The following DHODH variants were observed in gnomAD, a reference collection of about 807,000 sequenced individuals.
DHODH encodes dihydroorotate dehydrogenase (quinone).
A neutral mutation model predicts 39.7 loss-of-function variants in DHODH; 30 were observed. That is an observed-to-expected ratio of 0.76 (90% CI 0.57 to 1.02). The LOEUF (loss-of-function observed/expected upper bound fraction) is 1.02, where lower values mean the gene tolerates loss of function less well. Ranked by LOEUF, DHODH falls within the 50% of genes least tolerant of loss-of-function variation. The pLI, the probability that DHODH is intolerant of heterozygous loss-of-function variation, is 0.00. For missense variants in DHODH, 531 were observed against 520.8 expected, an observed-to-expected ratio of 1.02 and a Z score of -0.19; for synonymous variants, 222 against 213.8, an observed-to-expected ratio of 1.04 and a Z score of -0.34.
intron 1 of DHODH, among the ~76,000 whole-genome samples, chr16:72,009,649 C>G (rs2041061729): frequency 6.6e-6 from 1 of 151,614 alleles, no homozygotes; most frequent in Non-Finnish European, 1.5e-5. Context: ...GAGTCTTGGG[C>G]TGTCGCCCAG....
rs1246811396 is a variant in DHODH at position 72,024,003 on chromosome 16, T to C, written c.1134-142T>C. ...GTTCCTACCTGGGTAGAAATATCCC[T>C]AGGTCTCTGGGTGAAGAGTGTAGAG... On this transcript the variant is annotated intron_variant, in intron 8 of 8. Coordinates refer to ENST00000219240, the MANE Select transcript of DHODH (RefSeq NM_001361.5). The C allele has an allele frequency of 3.4e-6, 3 of 886,912 alleles. No individual in the cohort carries two copies. The African/African-American group carries it at 4.9e-5, about 15-fold the overall frequency. The allele number at this position is 886,912 out of a possible 1,614,324, so 54.9% of individuals were successfully genotyped here. A position where few individuals can be genotyped will look rare whatever the true frequency, so the allele number is the denominator to read the frequency against.
rs984834927 is a variant in DHODH, at chr16:72,016,820, G to A, written c.435-204G>A. ...GGGCTGTTTCCAGTGCTAGCTGGCT[G>A]AGCATTTGCAAATTTTAATCTTTCC... On this transcript the variant is annotated intron_variant, in intron 3 of 8. Coordinates refer to ENST00000219240, the MANE Select transcript of DHODH (RefSeq NM_001361.5). The A allele has an allele frequency of 7.0e-6, 4 of 568,018 alleles. No homozygotes were observed. The Admixed American group carries it at 9.8e-5, about 14-fold the overall frequency. 35.2% of individuals were successfully genotyped at this position (568,018 alleles called of 1,614,324 possible).
intron 1 of DHODH, chr16:72,009,171 G>T: frequency 9.1e-7 from 1 of 1,102,854 alleles, no homozygotes; most frequent in Non-Finnish European, 1.1e-6. Flanking sequence ...AGGGGCGGGG[G>T]TCTCTGTGAA....
At chr16:72,009,636 A>G (rs1278856322) in intron 1 of DHODH, among the ~76,000 whole-genome samples, 3 of 150,956 alleles carry the variant, frequency 2.0e-5, no homozygotes, top group African/African-American at 7.3e-5. Context: ...TTTATTTGAG[A>G]CGGAGTCTTG....
At chr16:72,010,780 G>A (rs1273883008) in intron 1 of DHODH, among the ~76,000 whole-genome samples, 2 of 152,200 alleles carry the variant, frequency 1.3e-5, no homozygotes, top group African/African-American at 2.4e-5. Context: ...CCCAGGTGGA[G>A]TGCAGTGGTG....
At chr16:72,017,221 A>G (rs2041151957) in intron 4 of DHODH, 115 bp downstream of exon 4, 1 of 1,010,760 alleles carries the variant, frequency 9.9e-7, no homozygotes, top group East Asian at 2.6e-5. Context: ...AAAACCACTG[A>G]GGACCTCAGG....
chr16:72,023,083 C>G (rs1391884696), intron 6 of DHODH, 82 bp from the exon 7 acceptor site: 56 of 1,485,914 alleles, frequency 3.8e-5, no homozygotes, highest in Non-Finnish European at 4.7e-5. Context: ...CCTGGCCCGG[C>G]TGCTGCCTTC....
intron 4 of DHODH, among the ~76,000 whole-genome samples, chr16:72,017,770 C>CTTATTTTTTTT (rs2041158091): frequency 9.6e-6 from 1 of 103,800 alleles, no homozygotes; most frequent in African/African-American, 4.4e-5. Flanking sequence ...AAACAACATG[C>CTTATTTTTTTT]TTTTTTTTTT....
chr16:72,017,896 C>T (rs1031870521), intron 4 of DHODH, among the ~76,000 whole-genome samples: 75 of 151,754 alleles, frequency 4.9e-4, no homozygotes, highest in African/African-American at 1.8e-3. Flanking sequence ...CTCAGCCTCC[C>T]GAGTAGCTGG....
rs915726087 is a variant in DHODH, at chr16:72,025,186, A to G, written c.*987A>G. The G allele has an allele frequency of 2.6e-5, 4 of 152,186 alleles. No individual in the cohort carries two copies. Among genetic ancestry groups the G allele is most frequent in the Non-Finnish European group, 2.9e-5 (2 of 68,032 alleles). 9.4% of individuals were successfully genotyped at this position (152,186 alleles called of 1,614,324 possible). A position where few individuals can be genotyped will look rare whatever the true frequency, so the allele number is the denominator to read the frequency against. ...CAATTCAAACGGTACAGCACTCTTG[A>G]AGTGTAAACATTCCTGTTCCTCCTC... On this transcript the variant is annotated 3_prime_UTR_variant, in exon 9 of 9. Coordinates refer to ENST00000219240, the MANE Select transcript of DHODH (RefSeq NM_001361.5).
intron 1 of DHODH, 22 bp downstream of exon 1, chr16:72,008,807 T>G (rs1178466995): frequency 1.5e-5 from 24 of 1,552,152 alleles, no homozygotes; most frequent in Middle Eastern, 1.7e-4. Flanking sequence ...GAGTGAGCAG[T>G]GTGGATGGGG....
Position 72,026,057 on chromosome 16 carries a change from C to T in DHODH, c.*1858C>T, listed in dbSNP as rs1189948921. On this transcript the variant is annotated 3_prime_UTR_variant, in exon 9 of 9. Coordinates refer to ENST00000219240, the MANE Select transcript of DHODH (RefSeq NM_001361.5). Reference sequence around the variant, plus strand: ...TCTGCTTCTCCGGATTCGTTCCTTACTCCAGGAAGAGCAGTGCACTGAAGG... The same window carrying T: ...TCTGCTTCTCCGGATTCGTTCCTTATTCCAGGAAGAGCAGTGCACTGAAGG... The T allele has an allele frequency of 6.6e-6, 1 of 152,326 alleles. No homozygotes were observed. The highest frequency in any genetic ancestry group is 1.5e-5 in the Non-Finnish European group (1 of 68,104). 9.4% of individuals were successfully genotyped at this position (152,326 alleles called of 1,614,324 possible).
At chr16:72,013,104 G>T (rs1401939862) in intron 2 of DHODH, among the ~76,000 whole-genome samples, 5 of 152,116 alleles carry the variant, frequency 3.3e-5, no homozygotes, top group African/African-American at 1.2e-4. Context: ...TGGTGGGAAG[G>T]GTCACTGTTA....
chr16:72,022,303 A>T, intron 5 of DHODH, 59 bp from the exon 6 acceptor site: 3 of 1,268,952 alleles, frequency 2.4e-6, no homozygotes, highest in Non-Finnish European at 3.3e-6. Context: ...CGTAGGTCAC[A>T]GCTGCACTGC....
Position 72,021,221 on chromosome 16 carries a change from C to T in DHODH, c.615C>T (p.Ala205=), listed in dbSNP as rs375309794. 116 of 1,612,278 alleles carry T rather than the reference C, an allele frequency of 7.2e-5. No individual in the cohort carries two copies. Among genetic ancestry groups the T allele is most frequent in the South Asian group, 5.3e-4 (48 of 90,616 alleles). ...GGGTGCGCGTACTGGGCCCCCTGGC[C>T]GACTACCTGGTGGTGAATGTGTCCA... ...AEGVRVLGPL[A]DYLVVNVSSP... The change falls in exon 5 of 9, where the codon GCC becomes GCT. Residue 205 remains alanine, a synonymous_variant. Coordinates refer to ENST00000219240, the MANE Select transcript of DHODH (RefSeq NM_001361.5).
At chr16:72,011,598 A>G (rs759754731) in intron 1 of DHODH, among the ~76,000 whole-genome samples, 1 of 152,220 alleles carries the variant, frequency 6.6e-6, no homozygotes, top group Non-Finnish European at 1.5e-5. Flanking sequence ...GTGGTAAAAT[A>G]TAGTTTGGCT....
intron 2 of DHODH, chr16:72,013,442 G>A (rs1441905538): frequency 6.6e-6 from 1 of 152,206 alleles, no homozygotes; most frequent in Non-Finnish European, 1.5e-5. Context: ...CCTGACCTCT[G>A]AGGTGTTGTC....
chr16:72,015,227 C>G (rs1429719679), intron 3 of DHODH, among the ~76,000 whole-genome samples: 2 of 152,098 alleles, frequency 1.3e-5, no homozygotes, highest in East Asian at 3.8e-4. Context: ...TTGCCTGTAC[C>G]AAGTCTTCAA....
At chr16:72,015,642 A>G in intron 3 of DHODH, 5 of 966,360 alleles carry the variant, frequency 5.2e-6, no homozygotes, top group Non-Finnish European at 6.2e-6. Context: ...GAAATTCTCC[A>G]GCATTAGAGA....
Sources: gnomAD v4.1 joint callset for allele counts (sites outside exome capture counted in the v4.1 genomes callset) on GRCh38, gnomAD v4.1.1 for gene constraint, MANE v1.5 for transcripts, NCBI Gene and HGNC (gene_info 2026-07-23, HGNC 2026-07-21) for gene names.